The following TENM2 variants were observed in gnomAD, a reference collection of about 807,000 sequenced individuals.
The protein encoded by TENM2 is teneurin transmembrane protein 2, also known as teneurin-2.
In TENM2, 52 loss-of-function variants were observed where a neutral mutation model predicts 245.2. That is an observed-to-expected ratio of 0.21 (90% confidence interval 0.17 to 0.27). The LOEUF is 0.27. Ranked by LOEUF, TENM2 falls within the 10% of genes least tolerant of loss-of-function variation. TENM2 has a pLI of 1.00. For synonymous variants in TENM2, 1,363 were observed against 1,438.9 expected (o/e 0.95, Z 1.19); for missense variants, 3,046 against 3,666.8 (o/e 0.83, Z 4.37).
chr5:167,363,741 A>AAAAAG (rs1561895688), intron 1 of TENM2, among the ~76,000 whole-genome samples: 1 of 150,862 alleles, frequency 6.6e-6, no homozygotes, highest in African/African-American at 2.4e-5. Context: ...AAAAAAAAAA[A>AAAAAG]AAAAAGAAAA....
At chr5:167,822,274 T>A (rs1767595853) in intron 2 of TENM2, among the ~76,000 whole-genome samples, 1 of 152,150 alleles carries the variant, frequency 6.6e-6, no homozygotes, top group African/African-American at 2.4e-5. Flanking sequence ...AATAAGCTGG[T>A]CTCCGTAGGA....
exon 12 of TENM2, chr5:168,126,836 G>A (rs375025819): frequency 1.4e-4 from 228 of 1,612,594 alleles, no homozygotes; most frequent in African/African-American, 1.0e-3. Context: ...CAGGCGCAGC[G>A]TGTGACCAGC....
intron 3 of TENM2, among the ~76,000 whole-genome samples, chr5:167,885,535 G>A (rs1027090023): frequency 1.4e-4 from 22 of 152,126 alleles, no homozygotes; most frequent in African/African-American, 4.8e-4. Flanking sequence ...ACCCAAGCAC[G>A]AGGCCACTCC....
At chr5:167,727,548 C>G (rs944887056) in intron 2 of TENM2, among the ~76,000 whole-genome samples, 3 of 152,232 alleles carry the variant, frequency 2.0e-5, no homozygotes, top group Non-Finnish European at 2.9e-5. Flanking sequence ...GAGAAGCTTA[C>G]TACTGTTGTA....
At chr5:167,709,079 A>T (rs1758730922) in intron 2 of TENM2, among the ~76,000 whole-genome samples, 1 of 152,082 alleles carries the variant, frequency 6.6e-6, no homozygotes, top group Non-Finnish European at 1.5e-5. Context: ...ATCCAAGTAT[A>T]GTCACAGAAA....
At chr5:167,491,810 A>G (rs543174784) in intron 2 of TENM2, among the ~76,000 whole-genome samples, 1 of 152,220 alleles carries the variant, frequency 6.6e-6, no homozygotes, top group South Asian at 2.1e-4. Flanking sequence ...ACCCACATAC[A>G]ACCAACTACG....
intron 2 of TENM2, among the ~76,000 whole-genome samples, chr5:167,440,691 T>G (rs1054903686): frequency 6.6e-6 from 1 of 152,128 alleles, no homozygotes; most frequent in Non-Finnish European, 1.5e-5. Flanking sequence ...CTTTTCCTTA[T>G]GTCTTCTATC....
intron 5 of TENM2, among the ~76,000 whole-genome samples, chr5:168,044,359 G>A (rs558430824): frequency 1.3e-5 from 2 of 152,306 alleles, no homozygotes; most frequent in South Asian, 2.1e-4. Context: ...AGCTTGCAGT[G>A]AGCCTAGATA....
At chr5:167,941,064 A>C (rs1779136481) in intron 3 of TENM2, among the ~76,000 whole-genome samples, 1 of 152,224 alleles carries the variant, frequency 6.6e-6, no homozygotes, top group Non-Finnish European at 1.5e-5. Context: ...TCAGTAACCC[A>C]AGAAGCCCTG....
At chr5:167,090,490 C>T in the TENM2 span, among the ~76,000 whole-genome samples, 2 of 152,154 alleles carry the variant, frequency 1.3e-5, no homozygotes, top group African/African-American at 2.4e-5. Flanking sequence ...GATGTATGAG[C>T]TTCCAGCTAG....
the TENM2 span, among the ~76,000 whole-genome samples, chr5:167,048,676 A>T: frequency 6.6e-6 from 1 of 152,160 alleles, no homozygotes; most frequent in East Asian, 1.9e-4. Context: ...ACATCTCATT[A>T]CTCTACACAA....
the TENM2 span, among the ~76,000 whole-genome samples, chr5:167,023,952 A>G: frequency 6.6e-6 from 1 of 152,218 alleles, no homozygotes; most frequent in Non-Finnish European, 1.5e-5. Flanking sequence ...GGAAACTACC[A>G]TCATCAAATA....
At chr5:167,776,018 A>C (rs1763740012) in intron 2 of TENM2, among the ~76,000 whole-genome samples, 1 of 152,182 alleles carries the variant, frequency 6.6e-6, no homozygotes, top group African/African-American at 2.4e-5. Flanking sequence ...TGACATCTAC[A>C]ATTAAAATAA....
At chr5:168,168,912 T>G (rs903756051) in intron 13 of TENM2, among the ~76,000 whole-genome samples, 6 of 152,146 alleles carry the variant, frequency 3.9e-5, no homozygotes, top group Non-Finnish European at 7.3e-5. Flanking sequence ...CAAACATTTG[T>G]TGAGGGTTTA....
intron 8 of TENM2, among the ~76,000 whole-genome samples, chr5:168,091,890 T>C (rs996911559): frequency 6.6e-6 from 1 of 152,182 alleles, no homozygotes; most frequent in Admixed American, 6.5e-5. Context: ...TTCACTTATC[T>C]CTCTGAGCCT....
At chr5:168,179,737 T>C (rs139315999) in intron 13 of TENM2, among the ~76,000 whole-genome samples, 1 of 152,244 alleles carries the variant, frequency 6.6e-6, no homozygotes, top group Non-Finnish European at 1.5e-5. Flanking sequence ...AGGGTGACCA[T>C]AGGTGAATTA....
chr5:167,233,334 G>A, the TENM2 span, among the ~76,000 whole-genome samples: 31,612 of 152,050 alleles, frequency 0.21, 3,834 homozygotes, highest in African/African-American at 0.34. Flanking sequence ...GTTTTAGGAA[G>A]ATAGCGGCCC....
intron 1 of TENM2, among the ~76,000 whole-genome samples, chr5:167,290,490 G>A (rs555329321): frequency 2.6e-5 from 4 of 152,162 alleles, no homozygotes; most frequent in South Asian, 2.1e-4. Flanking sequence ...CTTGCTCTCC[G>A]ACCCTAATAA....
At chr5:167,781,836 AC>A (rs1191199193) in intron 2 of TENM2, among the ~76,000 whole-genome samples, 1 of 151,700 alleles carries the variant, frequency 6.6e-6, no homozygotes, top group African/African-American at 2.4e-5. Flanking sequence ...GGACAACATG[AC>A]AAAACCCTGT....
Sources: gnomAD v4.1 joint callset for allele counts (sites outside exome capture counted in the v4.1 genomes callset) on GRCh38, gnomAD v4.1.1 for gene constraint, MANE v1.5 for transcripts, NCBI Gene and HGNC (gene_info 2026-07-23, HGNC 2026-07-21) for gene names.